DLG2: variants seen among roughly 807,000 people sequenced by gnomAD.
The protein encoded by DLG2 is disks large homolog 2.
In DLG2, 45 loss-of-function variants were observed where a neutral mutation model predicts 132.5. That is an observed-to-expected ratio of 0.34 (90% CI 0.27 to 0.44). The LOEUF is 0.44. Ranked by LOEUF, DLG2 falls within the 20% of genes least tolerant of loss-of-function variation. The pLI is 1.00. For missense variants in DLG2, 1,045 were observed against 1,196.9 expected (o/e 0.87, Z 1.87); for synonymous variants, 424 against 419.6 (o/e 1.01, Z -0.13).
chr11:84,625,486 G>A (rs1350623335), intron 6 of DLG2, among the ~76,000 whole-genome samples: 1 of 152,188 alleles, frequency 6.6e-6, no homozygotes, highest in Admixed American at 6.5e-5. Context: ...ATCAAATCAA[G>A]TCTGAAGTTT....
Position 84,608,719 on chromosome 11 carries a change from T to A in DLG2, c.358-73988A>T, listed in dbSNP as rs574019181. Among the ~76,000 whole-genome samples the A allele has an allele frequency of 5.9e-5, 9 of 152,288 alleles. No individual in the cohort carries two copies. In the East Asian group the frequency reaches 1.5e-3, roughly 26 times the overall value. Reference sequence around the variant, plus strand: ...TGTGGATGTGTCTGGTCACTTCAGGTTGCCACTGAGATAACCGTTTTCTAG... The same window carrying A: ...TGTGGATGTGTCTGGTCACTTCAGGATGCCACTGAGATAACCGTTTTCTAG... On this transcript the variant is annotated intron_variant, in intron 6 of 27. Coordinates refer to ENST00000376104, the MANE Select transcript of DLG2 (RefSeq NM_001142699.3).
At chr11:84,049,887 T>G (rs1477914400) in intron 11 of DLG2, among the ~76,000 whole-genome samples, 1 of 151,680 alleles carries the variant, frequency 6.6e-6, no homozygotes, top group East Asian at 1.9e-4. Flanking sequence ...AACTGGCTCT[T>G]GGGGGATGGA....
chr11:84,943,721 C>G (rs547330188), intron 6 of DLG2, among the ~76,000 whole-genome samples: 1 of 152,086 alleles, frequency 6.6e-6, no homozygotes. Flanking sequence ...TTGTAGTTGT[C>G]ATTTTTGATA....
chr11:84,681,820 C>T (rs995779940), intron 6 of DLG2, among the ~76,000 whole-genome samples: 4 of 151,222 alleles, frequency 2.6e-5, no homozygotes, highest in African/African-American at 9.8e-5. Flanking sequence ...AAAAATTGAA[C>T]CTTATTGAAA....
intron 6 of DLG2, among the ~76,000 whole-genome samples, chr11:84,888,065 T>TA (rs1221445505): frequency 6.6e-6 from 1 of 152,164 alleles, no homozygotes; most frequent in Non-Finnish European, 1.5e-5. Context: ...TATTTTCTTA[T>TA]TTATCCCTTC....
intron 3 of DLG2, among the ~76,000 whole-genome samples, chr11:85,381,613 C>T (rs1219187597): frequency 6.6e-6 from 1 of 151,746 alleles, no homozygotes; most frequent in Non-Finnish European, 1.5e-5. Flanking sequence ...AAGGAATTCA[C>T]ACACAAAAAA....
chr11:85,381,196 A>T (rs2085856469), intron 3 of DLG2, among the ~76,000 whole-genome samples: 1 of 152,324 alleles, frequency 6.6e-6, no homozygotes, highest in Admixed American at 6.5e-5. Context: ...TACAAATTTG[A>T]GCCAAGTATT....
intron 6 of DLG2, among the ~76,000 whole-genome samples, chr11:84,649,014 A>G (rs1174737213): frequency 6.6e-6 from 1 of 152,228 alleles, no homozygotes; most frequent in Non-Finnish European, 1.5e-5. Flanking sequence ...CAAAATGAAT[A>G]AAATGTGAAT....
At chr11:83,524,419 G>A (rs1220406230) in intron 21 of DLG2, among the ~76,000 whole-genome samples, 1 of 152,034 alleles carries the variant, frequency 6.6e-6, no homozygotes, top group Non-Finnish European at 1.5e-5. Flanking sequence ...AGATGCTGCA[G>A]GATACACTTT....
chr11:85,597,057 G>A (rs1237105990), intron 3 of DLG2, among the ~76,000 whole-genome samples: 1 of 152,132 alleles, frequency 6.6e-6, no homozygotes, highest in Non-Finnish European at 1.5e-5. Flanking sequence ...AATTTTACTA[G>A]AGAAATTCAA....
At chr11:83,853,666 A>C (rs1224028919) in intron 16 of DLG2, among the ~76,000 whole-genome samples, 1 of 152,134 alleles carries the variant, frequency 6.6e-6, no homozygotes, top group Non-Finnish European at 1.5e-5. Context: ...GATATCTAAA[A>C]AGTACCTAAT....
chr11:84,198,143 C>T (rs1370781151), intron 8 of DLG2, among the ~76,000 whole-genome samples: 1 of 151,518 alleles, frequency 6.6e-6, no homozygotes, highest in Non-Finnish European at 1.5e-5. Context: ...GCTTCACAGC[C>T]ACTCTATGAA....
chr11:84,462,504 A>G lies in DLG2; in HGVS notation c.519+72066T>C, dbSNP rs2099083076. 2.0e-5 allele frequency among the ~76,000 whole-genome samples: 3 copies of G among 151,144 alleles called. No individual in the cohort carries two copies. In the South Asian group the frequency reaches 6.2e-4, roughly 31 times the overall value. On this transcript the variant is annotated intron_variant, in intron 7 of 27. Transcript: ENST00000376104. ...AAACATTGCCCAGCCTCTACTACTA[A>G]AATACTTGTCCAAAAACTAAGAAAT... is the stretch of plus-strand genomic sequence containing the variant.
chr11:83,985,156 A>G (rs2093157820), intron 11 of DLG2, among the ~76,000 whole-genome samples: 1 of 151,850 alleles, frequency 6.6e-6, no homozygotes. Flanking sequence ...TCTTGCATAG[A>G]CTCTGTTAAA....
chr11:85,240,377 T>C (rs1174570836), intron 4 of DLG2, among the ~76,000 whole-genome samples: 2 of 151,898 alleles, frequency 1.3e-5, no homozygotes, highest in Non-Finnish European at 2.9e-5. Context: ...GTTTGTAACT[T>C]GGTTTTTCAC....
chr11:83,891,082 G>A (rs947418231), intron 15 of DLG2, among the ~76,000 whole-genome samples: 1 of 152,150 alleles, frequency 6.6e-6, no homozygotes, highest in African/African-American at 2.4e-5. Context: ...AGATATTACA[G>A]TTTAATCTCA....
At chr11:84,716,893 T>G (rs1270034915) in intron 6 of DLG2, among the ~76,000 whole-genome samples, 2 of 152,016 alleles carry the variant, frequency 1.3e-5, no homozygotes, top group East Asian at 1.9e-4. Context: ...ATAAATGGTG[T>G]TGTACTTACG....
At chr11:84,038,828 C>T (rs190119480) in intron 11 of DLG2, among the ~76,000 whole-genome samples, 128 of 152,132 alleles carry the variant, frequency 8.4e-4, no homozygotes, top group Admixed American at 1.6e-3. Context: ...GAAGCAAACA[C>T]ATCCTTCTTC....
chr11:85,187,279 G>C (rs1185297231), intron 4 of DLG2, among the ~76,000 whole-genome samples: 1 of 152,006 alleles, frequency 6.6e-6, no homozygotes, highest in African/African-American at 2.4e-5. Context: ...AGAATATGGT[G>C]ATTACTCTAG....
Sources: allele counts gnomAD v4.1 joint callset (sites outside exome capture counted in the v4.1 genomes callset), GRCh38; gene constraint gnomAD v4.1.1; transcripts MANE v1.5; gene names NCBI Gene and HGNC (gene_info 2026-07-23, HGNC 2026-07-21).